The following GIGYF2 variants were observed in gnomAD, a reference collection of about 807,000 sequenced individuals.
The protein encoded by GIGYF2 is GRB10 interacting GYF protein 2.
Under a neutral mutation model 208.1 loss-of-function variants are expected in GIGYF2, and 25 were observed. The ratio of observed to expected loss-of-function variants is 0.12; its 90% CI spans 0.09 to 0.17. The LOEUF is 0.17. Among genes scored for constraint, GIGYF2 ranks in the 10% least tolerant of loss-of-function variants. GIGYF2 has a pLI of 1.00. For missense variants in GIGYF2, 1,302 were observed against 1,579.4 expected, an observed-to-expected ratio of 0.82 and a Z score of 2.98; for synonymous variants, 534 against 543.8, an observed-to-expected ratio of 0.98 and a Z score of 0.25.
intron 2 of GIGYF2, among the ~76,000 whole-genome samples, chr2:232,730,604 T>TA (rs35629015): frequency 0.028 from 3,142 of 113,122 alleles, 148 homozygotes; most frequent in African/African-American, 0.094. Flanking sequence ...GACTCAGTCT[T>TA]AAAAAAAAAA....
chr2:232,731,872 T>C (rs1481959883), intron 2 of GIGYF2, among the ~76,000 whole-genome samples: 2 of 136,120 alleles, frequency 1.5e-5, no homozygotes, highest in Non-Finnish European at 3.3e-5. Context: ...TAGAATTATT[T>C]TATATTTTTT....
chr2:232,728,855 C>T (rs2106285445), intron 2 of GIGYF2, among the ~76,000 whole-genome samples: 1 of 152,320 alleles, frequency 6.6e-6, no homozygotes, highest in South Asian at 2.1e-4. Context: ...TCTACAGAGG[C>T]AGGATAGCAT....
chr2:232,768,745 C>T lies in GIGYF2; in HGVS notation c.532+7309C>T, dbSNP rs753938104. ...GGTTTGCCATCCATGTGAGCTACTACTGCTGTGTCAGTAAAGCGAATTGAA... is the reference window on the plus strand; with the variant it reads ...GGTTTGCCATCCATGTGAGCTACTATTGCTGTGTCAGTAAAGCGAATTGAA... On this transcript the variant is annotated intron_variant, in intron 8 of 28. Transcript: ENST00000373563. 1.2e-6 allele frequency: 2 copies of T among 1,601,156 alleles called. No individual in the cohort carries two copies. The highest frequency in any genetic ancestry group is 1.3e-5 in the African/African-American group (1 of 74,608).
intron 2 of GIGYF2, among the ~76,000 whole-genome samples, chr2:232,733,734 T>C (rs1697608010): frequency 6.6e-6 from 1 of 152,240 alleles, no homozygotes; most frequent in Non-Finnish European, 1.5e-5. Context: ...GTATAACCTA[T>C]GTACATACTT....
chr2:232,703,775 G>A (rs568764933), intron 2 of GIGYF2, among the ~76,000 whole-genome samples: 77 of 152,332 alleles, frequency 5.1e-4, no homozygotes, highest in Middle Eastern at 6.8e-3. Context: ...GAACCAAAGA[G>A]CAGTTGACTT....
At chr2:232,813,618 C>T (rs1374679087) in intron 18 of GIGYF2, among the ~76,000 whole-genome samples, 2 of 152,116 alleles carry the variant, frequency 1.3e-5, no homozygotes, top group African/African-American at 4.8e-5. Flanking sequence ...GAACTATAGG[C>T]CTTGGTGGAG....
rs779197945 is a variant in GIGYF2, at chr2:232,832,961, GGAA to G, written c.2641_2643del (p.Glu881del). The stretch of plus-strand genomic sequence containing the variant: ...AGGAGGCAGCCAGACTCCGGCATGA[GGAA>G]GAAGAACGGAAGAGAAAGGAGCTGG... On this transcript the variant is annotated inframe_deletion, in exon 22 of 29. Transcript: ENST00000373563. 19 of 1,574,024 alleles carry G rather than the reference GGAA, an allele frequency of 1.2e-5. No homozygotes were observed. Among genetic ancestry groups the G allele is most frequent in the East Asian group, 4.7e-5 (2 of 42,782 alleles).
intron 8 of GIGYF2, among the ~76,000 whole-genome samples, chr2:232,783,527 A>G (rs1314179160): frequency 6.6e-6 from 1 of 152,204 alleles, no homozygotes; most frequent in East Asian, 1.9e-4. Context: ...TTACAAGAAT[A>G]CTAGTTCCAA....
In GIGYF2 at chr2:232,791,024, C is replaced by G; in HGVS notation, c.947C>G (p.Pro316Arg). 1 of 1,614,006 alleles carries G rather than the reference C, an allele frequency of 6.2e-7. No homozygotes were observed. The highest frequency in any genetic ancestry group is 8.5e-7 in the Non-Finnish European group (1 of 1,179,934). ...TTTCTACAGAAAGTACAGAAAGAGC[C>G]TATTCCAGAAGAGCAGGAGATGGAC... is the stretch of plus-strand genomic sequence containing the variant. ...FLSLKKVQKE[P>R]IPEEQEMDFR... Residue 316 changes from proline to arginine, a missense_variant, in exon 11 of 29, where the codon CCT becomes CGT. Pro to Arg is a moderately radical substitution (Grantham distance 103). Coordinates refer to ENST00000373563, the MANE Select transcript of GIGYF2 (RefSeq NM_001103146.3).
intron 2 of GIGYF2, among the ~76,000 whole-genome samples, chr2:232,709,879 G>A (rs571896016): frequency 2.0e-5 from 3 of 152,172 alleles, no homozygotes; most frequent in Non-Finnish European, 2.9e-5. Flanking sequence ...TGATCCTCCC[G>A]CCTTGGCTTC....
intron 22 of GIGYF2, among the ~76,000 whole-genome samples, chr2:232,838,959 A>G (rs1263656027): frequency 6.6e-6 from 1 of 152,110 alleles, no homozygotes; most frequent in East Asian, 1.9e-4. Context: ...TGATGGTTTA[A>G]ACTGTTTATA....
At chr2:232,738,325 A>G (rs1379766173) in intron 3 of GIGYF2, among the ~76,000 whole-genome samples, 2 of 152,168 alleles carry the variant, frequency 1.3e-5, no homozygotes, top group African/African-American at 4.8e-5. Context: ...AAAGGGTATG[A>G]TACATTCAAT....
chr2:232,746,563 T>G (rs1322969903), intron 3 of GIGYF2, among the ~76,000 whole-genome samples: 2 of 152,208 alleles, frequency 1.3e-5, no homozygotes, highest in African/African-American at 4.8e-5. Flanking sequence ...CTCGCCATTT[T>G]TTGCTGAAGT....
rs759525243 is a variant in GIGYF2 at position 232,756,197 on chromosome 2, C to CTTTTTT, written c.268-11_268-6dup. On this transcript the variant is annotated intron_variant, in intron 5 of 28. Coordinates refer to ENST00000373563, the MANE Select transcript of GIGYF2 (RefSeq NM_001103146.3). Reference sequence around the variant, plus strand: ...TTTTCTTTCTTTTTTTCCTTTTTCTCTTTTTTTTTTTTTTTTTTTTGGCAG... The same window carrying CTTTTTT: ...TTTTCTTTCTTTTTTTCCTTTTTCTCTTTTTTTTTTTTTTTTTTTTTTTTTTGGCAG... The CTTTTTT allele has an allele frequency of 2.3e-4, 161 of 710,476 alleles. 1 individual carries two copies. Among genetic ancestry groups the CTTTTTT allele is most frequent in the South Asian group, 7.0e-4 (36 of 51,176 alleles). The allele number at this position is 710,476 out of a possible 1,614,324, so 44.0% of individuals were successfully genotyped here.
intron 2 of GIGYF2, among the ~76,000 whole-genome samples, chr2:232,704,919 G>T (rs1003815603): frequency 7.4e-6 from 1 of 135,256 alleles, no homozygotes; most frequent in Non-Finnish European, 1.5e-5. Context: ...GAGTGCAGTG[G>T]CGCGATCTCT....
At chr2:232,764,023 G>C (rs1452800929) in intron 8 of GIGYF2, among the ~76,000 whole-genome samples, 1 of 152,124 alleles carries the variant, frequency 6.6e-6, no homozygotes, top group East Asian at 1.9e-4. Flanking sequence ...TGTGCTAGGT[G>C]CAAAATATTT....
chr2:232,797,661 G>A (rs557142241), intron 14 of GIGYF2, among the ~76,000 whole-genome samples: 9 of 152,236 alleles, frequency 5.9e-5, no homozygotes, highest in African/African-American at 2.2e-4. Flanking sequence ...AGTAACACAA[G>A]TGGGACATTG....
chr2:232,719,551 A>G (rs1311901941), intron 2 of GIGYF2, among the ~76,000 whole-genome samples: 1 of 152,182 alleles, frequency 6.6e-6, no homozygotes, highest in African/African-American at 2.4e-5. Context: ...TTCTCCTGTG[A>G]AAATGTACTC....
rs1350811458 is a variant in GIGYF2, at chr2:232,806,937, A to G, written c.1806+280A>G. Among the ~76,000 whole-genome samples the G allele has an allele frequency of 1.3e-5, 2 of 152,182 alleles. No individual in the cohort carries two copies. Among genetic ancestry groups the G allele is most frequent in the Admixed American group, 6.5e-5 (1 of 15,282 alleles). ...TCCAGCAGATGTAGAATGAAGACCA[A>G]CATCTTATCCTGGCCTACCTACGAG... On this transcript the variant is annotated intron_variant, in intron 15 of 28. Transcript: ENST00000373563. This position sits in a 1 kb window ranked among gnomAD's most constrained non-coding sequence, Gnocchi z 4.0.
Sources: gnomAD v4.1 joint callset for allele counts (sites outside exome capture counted in the v4.1 genomes callset) on GRCh38, gnomAD v4.1.1 for gene constraint, Gnocchi (gnomAD v3.1) non-coding constraint, MANE v1.5 for transcripts, NCBI Gene and HGNC (gene_info 2026-07-23, HGNC 2026-07-21) for gene names.